ARPP21: variants seen among roughly 807,000 people sequenced by gnomAD.
ARPP21 encodes cAMP-regulated phosphoprotein 21.
ARPP21 carries 69 observed loss-of-function variants against 113.2 expected under a neutral mutation model. The observed-to-expected ratio is 0.61, with a 90% CI of 0.50 to 0.74. The LOEUF (loss-of-function observed/expected upper bound fraction) is 0.74. Among genes scored for constraint, ARPP21 ranks in the 30% least tolerant of loss-of-function variants. The pLI, the probability that ARPP21 is intolerant of heterozygous loss-of-function variation, is 0.00. For missense variants in ARPP21, 1,070 were observed against 1,037.4 expected, an observed-to-expected ratio of 1.03 and a Z score of -0.43; for synonymous variants, 368 against 375.5, an observed-to-expected ratio of 0.98 and a Z score of 0.23.
At chr3:35,738,535 G>A (rs1225735773) in intron 17 of ARPP21, among the ~76,000 whole-genome samples, 1 of 151,956 alleles carries the variant, frequency 6.6e-6, no homozygotes, top group Non-Finnish European at 1.5e-5. Context: ...GTGCTTCTGT[G>A]GTCTGTTACC....
intron 19 of ARPP21, among the ~76,000 whole-genome samples, chr3:35,783,061 C>G (rs1312467091): frequency 6.6e-6 from 1 of 152,244 alleles, no homozygotes; most frequent in East Asian, 1.9e-4. Context: ...AAACACTCCC[C>G]TACTTCTTAC....
intron 19 of ARPP21, among the ~76,000 whole-genome samples, chr3:35,762,608 G>A (rs2095824434): frequency 6.6e-6 from 1 of 152,090 alleles, no homozygotes; most frequent in Non-Finnish European, 1.5e-5. Flanking sequence ...TTTGATACGA[G>A]TTGTGTCAAT....
At chr3:35,775,182 A>G (rs1157838899) in intron 19 of ARPP21, among the ~76,000 whole-genome samples, 1 of 152,184 alleles carries the variant, frequency 6.6e-6, no homozygotes, top group African/African-American at 2.4e-5. Flanking sequence ...TTCTGTAGGC[A>G]CTGTTTTGAA....
Position 35,781,688 on chromosome 3 carries a change from T to C in ARPP21, c.2138-10694T>C, listed in dbSNP as rs187402344. The stretch of plus-strand genomic sequence containing the variant: ...TGATTATGTACATGAAAAGAAAGTA[T>C]CTCTTGGCTATTGCTTGGGGTTGTG... On this transcript the variant is annotated intron_variant, in intron 19 of 20. Coordinates refer to ENST00000684406, the MANE Select transcript of ARPP21 (RefSeq NM_001385562.1). The C allele has an allele frequency of 2.0e-5, 3 of 152,270 alleles. No individual in the cohort carries two copies. The East Asian group carries it at 5.8e-4, about 29-fold the overall frequency. The allele number at this position is 152,270 out of a possible 1,614,324, so 9.4% of individuals were successfully genotyped here. A position where few individuals can be genotyped will look rare whatever the true frequency, so the allele number is the denominator to read the frequency against.
At chr3:35,784,958 T>C (rs1265760401) in intron 19 of ARPP21, 4 of 152,046 alleles carry the variant, frequency 2.6e-5, no homozygotes, top group African/African-American at 9.7e-5. Flanking sequence ...CATGCAACAG[T>C]GACAGTAATT....
chr3:35,777,949 G>A (rs2096419677), intron 19 of ARPP21, among the ~76,000 whole-genome samples: 1 of 152,190 alleles, frequency 6.6e-6, no homozygotes, highest in African/African-American at 2.4e-5. Flanking sequence ...AGGACTATGA[G>A]TCAAACACTC....
intron 18 of ARPP21, among the ~76,000 whole-genome samples, chr3:35,740,385 G>T (rs2094583484): frequency 6.6e-6 from 1 of 152,212 alleles, no homozygotes; most frequent in Non-Finnish European, 1.5e-5. Context: ...TGCATTGGAT[G>T]AGCTGTTTAA....
At chr3:35,743,365 A>G (rs1357724508) in intron 18 of ARPP21, among the ~76,000 whole-genome samples, 1 of 152,198 alleles carries the variant, frequency 6.6e-6, no homozygotes, top group Non-Finnish European at 1.5e-5. Context: ...ATTGAGCAGG[A>G]TTTATCACAG....
chr3:35,681,808 G>A lies in ARPP21; in HGVS notation c.57G>A (p.Gln19=). The change falls in exon 3 of 21, where the codon CAG becomes CAA. Residue 19 remains glutamine, a synonymous_variant. Coordinates refer to ENST00000684406, the MANE Select transcript of ARPP21 (RefSeq NM_001385562.1). Reference sequence around the variant, plus strand: ...TAGCAGAGGAAGGAGGGACTGAGCAGGAGACGGCCACTCCAGAGAACGGCA... The same window carrying A: ...TAGCAGAGGAAGGAGGGACTGAGCAAGAGACGGCCACTCCAGAGAACGGCA... ...QAIAEEGGTE[Q]ETATPENGIV... The A allele has an allele frequency of 6.2e-7, 1 of 1,611,768 alleles. No individual in the cohort carries two copies. The highest frequency in any genetic ancestry group is 8.5e-7 in the Non-Finnish European group (1 of 1,178,426).
intron 15 of ARPP21, among the ~76,000 whole-genome samples, chr3:35,736,707 T>G (rs1202484070): frequency 6.6e-6 from 1 of 152,226 alleles, no homozygotes; most frequent in East Asian, 1.9e-4. Context: ...GATTCTGAAT[T>G]GGTGACAAGG....
In ARPP21 at chr3:35,639,780, TGGGA is replaced by T. The variant is rs980192599; in HGVS notation, c.-829_-826del. The T allele has an allele frequency of 6.6e-6, 1 of 151,348 alleles. No individual in the cohort carries two copies. Among genetic ancestry groups the T allele is most frequent in the African/African-American group, 2.5e-5 (1 of 40,804 alleles). The allele number at this position is 151,348 out of a possible 1,614,324, so 9.4% of individuals were successfully genotyped here. A position where few individuals can be genotyped will look rare whatever the true frequency, so the allele number is the denominator to read the frequency against. On this transcript the variant is annotated 5_prime_UTR_variant, in exon 1 of 21. Transcript: ENST00000684406. This position sits in a 1 kb window ranked among gnomAD's most constrained non-coding sequence, Gnocchi z 5.0. The stretch of plus-strand genomic sequence containing the variant: ...GAGCGAAGCGGCCAGGGGCACAGAG[TGGGA>T]GAGGACTGTGGGCACAGAAGACCGG...
chr3:35,704,177 T>C (rs1331353065), intron 9 of ARPP21, among the ~76,000 whole-genome samples: 2 of 151,894 alleles, frequency 1.3e-5, no homozygotes, highest in African/African-American at 4.8e-5. Context: ...ACTATTAAAT[T>C]CCAATATTTG....
rs751201543 is a variant in ARPP21, at chr3:35,682,907, C to T, written c.171+18C>T. The stretch of plus-strand genomic sequence containing the variant: ...AATCCAAGGTAGGGTTCTTAACATT[C>T]TAGGTAGACCTGATATCATGGGTAT... On this transcript the variant is annotated intron_variant, in intron 4 of 20. Coordinates refer to ENST00000684406, the MANE Select transcript of ARPP21 (RefSeq NM_001385562.1). 5 of 1,590,732 alleles carry T rather than the reference C, an allele frequency of 3.1e-6. No individual in the cohort carries two copies. Among genetic ancestry groups the T allele is most frequent in the Non-Finnish European group, 8.6e-7 (1 of 1,166,726 alleles).
chr3:35,777,943 C>T (rs1413764119), intron 19 of ARPP21, among the ~76,000 whole-genome samples: 1 of 152,198 alleles, frequency 6.6e-6, no homozygotes, highest in African/African-American at 2.4e-5. Context: ...AGCATTAGGA[C>T]TATGAGTCAA....
chr3:35,682,623 A>G (rs778618232), intron 3 of ARPP21: 1 of 447,556 alleles, frequency 2.2e-6, no homozygotes, highest in Non-Finnish European at 3.9e-6. Flanking sequence ...AATAGTTGTT[A>G]TAAACAGAAA....
At chr3:35,660,360 G>A (rs1456025420) in intron 1 of ARPP21, among the ~76,000 whole-genome samples, 1 of 152,066 alleles carries the variant, frequency 6.6e-6, no homozygotes, top group Non-Finnish European at 1.5e-5. Context: ...TTTGTTCTTA[G>A]CCTCAGCTTC....
chr3:35,773,011 A>G (rs1019512590), intron 19 of ARPP21, among the ~76,000 whole-genome samples: 3 of 152,186 alleles, frequency 2.0e-5, no homozygotes, highest in African/African-American at 7.2e-5. Context: ...TTGTGCTTGA[A>G]AAGCTGCTGT....
intron 9 of ARPP21, among the ~76,000 whole-genome samples, chr3:35,693,069 T>A (rs1008241394): frequency 6.6e-6 from 1 of 151,588 alleles, no homozygotes; most frequent in Non-Finnish European, 1.5e-5. Context: ...AATGGCCATT[T>A]AAAAATAGAT....
At chr3:35,743,159 C>T (rs548066236) in intron 18 of ARPP21, among the ~76,000 whole-genome samples, 1 of 152,306 alleles carries the variant, frequency 6.6e-6, no homozygotes, top group South Asian at 2.1e-4. Context: ...GCATTCTCTG[C>T]TCCTTTTAGG....
Sources: gnomAD v4.1 joint callset for allele counts (sites outside exome capture counted in the v4.1 genomes callset) on GRCh38, gnomAD v4.1.1 for gene constraint, Gnocchi (gnomAD v3.1) non-coding constraint, MANE v1.5 for transcripts, NCBI Gene and HGNC (gene_info 2026-07-23, HGNC 2026-07-21) for gene names.